ARHGAP6: variants seen among roughly 807,000 people sequenced by gnomAD.
The protein encoded by ARHGAP6 is Rho GTPase activating protein 6, also known as rho GTPase-activating protein 6.
In ARHGAP6, 16 loss-of-function variants were observed where a neutral mutation model predicts 55.7. The ratio of observed to expected loss-of-function variants is 0.29; its 90% CI spans 0.19 to 0.44. The LOEUF (loss-of-function observed/expected upper bound fraction) is 0.44. Ranked by LOEUF, ARHGAP6 falls within the 20% of genes least tolerant of loss-of-function variation. The pLI is 1.00. For missense variants in ARHGAP6, 698 were observed against 808.9 expected, an observed-to-expected ratio of 0.86 and a Z score of 1.66; for synonymous variants, 382 against 360.9, an observed-to-expected ratio of 1.06 and a Z score of -0.66.
chrX:11,181,726 C>T (rs1449640597), intron 6 of ARHGAP6, among the ~76,000 whole-genome samples: 1 of 112,312 alleles, frequency 8.9e-6, no homozygotes, highest in African/African-American at 3.2e-5. Flanking sequence ...TTAGTAAAAG[C>T]GGGTGCTACA....
chrX:11,658,502 C>G (rs1013497469), intron 1 of ARHGAP6, among the ~76,000 whole-genome samples: 1 of 110,519 alleles, frequency 9.0e-6, no homozygotes, highest in Non-Finnish European at 1.9e-5. Flanking sequence ...TAATTACTTT[C>G]TCTTTGGTGA....
At chrX:11,167,109 T>C (rs1013138058) in intron 9 of ARHGAP6, among the ~76,000 whole-genome samples, 1 of 111,859 alleles carries the variant, frequency 8.9e-6, no homozygotes, top group Non-Finnish European at 1.9e-5. Context: ...AACCATTGAG[T>C]CATTCATTAA....
chrX:11,508,786 G>A (rs537385524), intron 1 of ARHGAP6, among the ~76,000 whole-genome samples: 7 of 107,871 alleles, frequency 6.5e-5, no homozygotes, highest in South Asian at 4.1e-4. Flanking sequence ...CAGCTTCCTC[G>A]TCTCTTCACT....
At chrX:11,181,517 G>T (rs1206152314) in intron 6 of ARHGAP6, among the ~76,000 whole-genome samples, 1 of 112,296 alleles carries the variant, frequency 8.9e-6, no homozygotes, top group Admixed American at 9.5e-5. Flanking sequence ...ATTGTTGAAG[G>T]TCTAATATCA....
intron 1 of ARHGAP6, among the ~76,000 whole-genome samples, chrX:11,644,175 G>A (rs756696131): frequency 4.5e-5 from 5 of 111,138 alleles, no homozygotes; most frequent in Non-Finnish European, 9.4e-5. Flanking sequence ...TAGCTAAGGG[G>A]ATCATGGAGA....
chrX:11,655,843 C>T (rs978122115), intron 1 of ARHGAP6, among the ~76,000 whole-genome samples: 6 of 112,609 alleles, frequency 5.3e-5, no homozygotes, highest in African/African-American at 1.9e-4. Flanking sequence ...CTGCTATCTG[C>T]ATGCAGACTC....
intron 1 of ARHGAP6, among the ~76,000 whole-genome samples, chrX:11,456,194 T>C (rs1379439278): frequency 4.5e-5 from 5 of 112,067 alleles, no homozygotes; most frequent in African/African-American, 1.6e-4. Context: ...ATTTTAACTA[T>C]CGTAAGCCAC....
At chrX:11,176,347 A>ATATATC (rs2046224588) in intron 8 of ARHGAP6, among the ~76,000 whole-genome samples, 2 of 57,987 alleles carry the variant, frequency 3.4e-5, no homozygotes, top group East Asian at 6.5e-4. Flanking sequence ...ATATATATAT[A>ATATATC]TATCTCCCCT....
chrX:11,322,150 A>G (rs1196293483), intron 1 of ARHGAP6, among the ~76,000 whole-genome samples: 2 of 111,838 alleles, frequency 1.8e-5, no homozygotes, highest in East Asian at 5.6e-4. Flanking sequence ...TCTACAGTAC[A>G]GAGTTTCTCA....
At chrX:11,420,215 A>G (rs1287350377) in intron 1 of ARHGAP6, among the ~76,000 whole-genome samples, 6 of 112,220 alleles carry the variant, frequency 5.3e-5, no homozygotes. Flanking sequence ...GTACCACATA[A>G]TGACTGGTGG....
At chrX:11,427,796 G>A in intron 1 of ARHGAP6, 2 of 756,090 alleles carry the variant, frequency 2.6e-6, no homozygotes, top group Non-Finnish European at 3.1e-6. Context: ...GAAGGCAGCG[G>A]CGCGAAGGGG....
intron 1 of ARHGAP6, chrX:11,427,440 T>C (rs950721728): frequency 1.0e-4 from 89 of 860,645 alleles, no homozygotes; most frequent in Non-Finnish European, 1.3e-4. Context: ...CGCCACCCCC[T>C]CAGCCGTGGA....
intron 1 of ARHGAP6, among the ~76,000 whole-genome samples, chrX:11,587,110 G>A (rs1286891724): frequency 1.8e-5 from 2 of 111,586 alleles, no homozygotes; most frequent in African/African-American, 3.3e-5. Flanking sequence ...GGATCATGCT[G>A]TCTACAAACA....
intron 1 of ARHGAP6, among the ~76,000 whole-genome samples, chrX:11,401,518 G>A (rs979776786): frequency 1.0e-4 from 11 of 110,385 alleles, no homozygotes; most frequent in Middle Eastern, 4.7e-3. Flanking sequence ...TTGCTTATAC[G>A]CCAATAGCAC....
intron 1 of ARHGAP6, among the ~76,000 whole-genome samples, chrX:11,417,948 G>A (rs1299641885): frequency 8.9e-6 from 1 of 111,897 alleles, no homozygotes; most frequent in Non-Finnish European, 1.9e-5. Context: ...GAATAAGCAG[G>A]ACTCATAGAG....
intron 1 of ARHGAP6, chrX:11,427,778 G>A: frequency 1.3e-6 from 1 of 765,871 alleles, no homozygotes; most frequent in Non-Finnish European, 1.5e-6. Context: ...AGCCGGTGGG[G>A]ACCTGGAGAA....
intron 2 of ARHGAP6, among the ~76,000 whole-genome samples, chrX:11,229,983 A>T (rs2047104047): frequency 8.9e-6 from 1 of 111,955 alleles, no homozygotes. Context: ...CCTTTTACCC[A>T]AAGCATGTGT....
intron 1 of ARHGAP6, among the ~76,000 whole-genome samples, chrX:11,567,566 A>AAAAAAAAAAAAATATATAT (rs1440758737): frequency 1.2e-5 from 1 of 84,411 alleles, no homozygotes; most frequent in African/African-American, 4.7e-5. Context: ...AAAAAAAAAA[A>AAAAAAAAAAAAATATATAT]ATATATATAT....
chrX:11,437,756 C>T (rs111844178), intron 1 of ARHGAP6, among the ~76,000 whole-genome samples: 7,249 of 112,022 alleles, frequency 0.065, 246 homozygotes, highest in Non-Finnish European at 0.1. Context: ...GATGTAAACT[C>T]CCAGGCACTT....
Sources: gnomAD v4.1 joint callset for allele counts (sites outside exome capture counted in the v4.1 genomes callset) on GRCh38, gnomAD v4.1.1 for gene constraint, MANE v1.5 for transcripts, NCBI Gene and HGNC (gene_info 2026-07-23, HGNC 2026-07-21) for gene names.